Variants in CYP3A4 observed in about 807,000 individuals in gnomAD.
CYP3A4 encodes cytochrome P450 3A4.
CYP3A4 carries 41 observed loss-of-function variants against 54.9 expected under a neutral mutation model. That is an observed-to-expected ratio of 0.75 (90% CI 0.58 to 0.97). CYP3A4 has a LOEUF of 0.97. Ranked by LOEUF, CYP3A4 falls within the 50% of genes least tolerant of loss-of-function variation. The pLI, the probability that CYP3A4 is intolerant of heterozygous loss-of-function variation, is 0.00. For missense variants in CYP3A4, 510 were observed against 597.3 expected (o/e 0.85, Z 1.52); for synonymous variants, 179 against 205.2 (o/e 0.87, Z 1.09).
rs771039384 is a variant in CYP3A4, at chr7:99,769,862, C to T, written c.433-6G>A. The T allele has an allele frequency of 6.8e-6, 11 of 1,613,870 alleles. No homozygotes were observed. In the African/African-American group the frequency reaches 1.3e-4, roughly 20 times the overall value. ...TGGGCAATGATAGGGACCATCTAAG[C>T]ACAAAACACAACACCACCCATAGTT... On this transcript the variant is annotated splice_region_variant and splice_polypyrimidine_tract_variant and intron_variant, in intron 5 of 12. Transcript: ENST00000651514.
At chr7:99,767,631 T>A (rs1815509148) in intron 7 of CYP3A4, among the ~76,000 whole-genome samples, 1 of 152,114 alleles carries the variant, frequency 6.6e-6, no homozygotes, top group South Asian at 2.1e-4. Context: ...TAGTAGGTAG[T>A]CAAGATAGAA....
At chr7:99,761,518 C>A (rs28988594) in intron 11 of CYP3A4, among the ~76,000 whole-genome samples, 1,822 of 152,150 alleles carry the variant, frequency 0.012, 37 homozygotes, top group African/African-American at 0.042. Context: ...CTCCCTCTTT[C>A]TCCCCCACAC....
At chr7:99,775,170 C>T (rs1023705856) in intron 3 of CYP3A4, among the ~76,000 whole-genome samples, 4 of 152,000 alleles carry the variant, frequency 2.6e-5, no homozygotes, top group Non-Finnish European at 5.9e-5. Context: ...AACTACAAAC[C>T]GCTGCTCAAT....
chr7:99,781,526 C>G (rs745918177), intron 1 of CYP3A4, among the ~76,000 whole-genome samples: 1 of 152,124 alleles, frequency 6.6e-6, no homozygotes, highest in Non-Finnish European at 1.5e-5. Context: ...ACTCCCCGAA[C>G]TGGGGTTTCT....
chr7:99,784,026 A>T lies in CYP3A4; in HGVS notation c.56T>A (p.Leu19Gln), dbSNP rs773224444. 6.2e-7 allele frequency: 1 copy of T among 1,613,834 alleles called. No individual in the cohort carries two copies. Among genetic ancestry groups the T allele is most frequent in the Non-Finnish European group, 8.5e-7 (1 of 1,179,806 alleles). ...METWLLLAVS[L>Q]VLLYLYGTHS... ...AGTTACTCACAGATAGAGGAGCACCAGGCTGACAGCCAGGAGAAGCCAGGT... is the reference window on the plus strand; with the variant it reads ...AGTTACTCACAGATAGAGGAGCACCTGGCTGACAGCCAGGAGAAGCCAGGT... The change falls in exon 1 of 13, where the codon CTG becomes CAG. Residue 19 changes from leucine to glutamine, a missense_variant. Physicochemically the swap from Leu to Gln is moderately radical, Grantham distance 113. Coordinates refer to ENST00000651514, the MANE Select transcript of CYP3A4 (RefSeq NM_017460.6).
intron 9 of CYP3A4, among the ~76,000 whole-genome samples, chr7:99,765,464 GGATAGATGATAGATA>G (rs943988578): frequency 0.012 from 1,819 of 150,686 alleles, 31 homozygotes; most frequent in African/African-American, 0.04. Context: ...GATGATAGAT[GGATAGATGATAGATA>G]GATAGATGAT....
At chr7:99,773,187 T>C (rs1815678438) in intron 3 of CYP3A4, among the ~76,000 whole-genome samples, 1 of 152,056 alleles carries the variant, frequency 6.6e-6, no homozygotes, top group African/African-American at 2.4e-5. Flanking sequence ...AGCACCCAGA[T>C]TCATAAAGCA....
chr7:99,762,725 G>T (rs1815372365), intron 10 of CYP3A4, among the ~76,000 whole-genome samples: 1 of 152,152 alleles, frequency 6.6e-6, no homozygotes, highest in Admixed American at 6.5e-5. Context: ...GACAAAGAAG[G>T]TTCTGGTTGG....
At chr7:99,766,749 A>G (rs1420213259) in intron 8 of CYP3A4, 2 of 416,072 alleles carry the variant, frequency 4.8e-6, no homozygotes, top group Non-Finnish European at 8.6e-6. Context: ...TGTACTTGAA[A>G]TGAGTCTTTA....
At chr7:99,779,350 G>A (rs911419820) in intron 2 of CYP3A4, among the ~76,000 whole-genome samples, 10 of 152,114 alleles carry the variant, frequency 6.6e-5, no homozygotes, top group Non-Finnish European at 2.9e-5. Flanking sequence ...AGCCTTTGAA[G>A]GAAAAGAAAT....
At chr7:99,774,887 G>A (rs1815721352) in intron 3 of CYP3A4, among the ~76,000 whole-genome samples, 1 of 152,124 alleles carries the variant, frequency 6.6e-6, no homozygotes, top group Admixed American at 6.5e-5. Flanking sequence ...TAGGAAAAGA[G>A]GAAGTCAAAT....
intron 3 of CYP3A4, among the ~76,000 whole-genome samples, chr7:99,775,826 G>A (rs1169692101): frequency 6.6e-6 from 1 of 152,076 alleles, no homozygotes; most frequent in Non-Finnish European, 1.5e-5. Flanking sequence ...GGCAACAAAA[G>A]CCAAAATTGA....
In CYP3A4 at chr7:99,774,506, C is replaced by T. The variant is rs181465022; in HGVS notation, c.219-1817G>A. Among the ~76,000 whole-genome samples, 981 of 152,300 alleles carry T rather than the reference C, an allele frequency of 6.4e-3. 12 individuals are homozygous for T. Among genetic ancestry groups the T allele is most frequent in the African/African-American group, 0.022 (897 of 41,560 alleles). The stretch of plus-strand genomic sequence containing the variant: ...AGCTTATCCACCAGGATCAAGTCAG[C>T]GTCATCCCTGGGATGCAAGGCTGGG... On this transcript the variant is annotated intron_variant, in intron 3 of 12. Transcript: ENST00000651514.
At chr7:99,766,790 C>G (rs1815486645) in intron 8 of CYP3A4, 1 of 368,806 alleles carries the variant, frequency 2.7e-6, no homozygotes, top group Non-Finnish European at 4.9e-6. Flanking sequence ...AGCATAATAT[C>G]AGTAAAATAT....
chr7:99,759,084 T>C (rs1815252204), intron 12 of CYP3A4, among the ~76,000 whole-genome samples: 1 of 152,204 alleles, frequency 6.6e-6, no homozygotes, highest in Non-Finnish European at 1.5e-5. Context: ...ACCACTTTTA[T>C]TCAGGGCTGA....
At chr7:99,769,056 GC>G (rs1381440442) in intron 6 of CYP3A4, among the ~76,000 whole-genome samples, 1 of 152,070 alleles carries the variant, frequency 6.6e-6, no homozygotes, top group Non-Finnish European at 1.5e-5. Context: ...AGCTGAGGTT[GC>G]CCTGACAGCA....
intron 12 of CYP3A4, 63 bp from the exon 13 acceptor site, chr7:99,758,291 C>T: frequency 1.3e-6 from 2 of 1,559,716 alleles, no homozygotes; most frequent in Non-Finnish European, 1.8e-6. Context: ...AGTATAGCAT[C>T]AAAGTGAGTG....
intron 7 of CYP3A4, 79 bp downstream of exon 7, chr7:99,768,275 T>G: frequency 7.1e-7 from 1 of 1,411,238 alleles, no homozygotes; most frequent in Non-Finnish European, 9.9e-7. Flanking sequence ...GTGGATGAAT[T>G]ACATGGTGAT....
At chr7:99,779,660 A>G (rs1357040324) in intron 2 of CYP3A4, among the ~76,000 whole-genome samples, 1 of 151,688 alleles carries the variant, frequency 6.6e-6, no homozygotes, top group Non-Finnish European at 1.5e-5. Flanking sequence ...TTTTAATACT[A>G]ACTAAGTATG....
Sources: allele counts gnomAD v4.1 joint callset (sites outside exome capture counted in the v4.1 genomes callset), GRCh38; gene constraint gnomAD v4.1.1; transcripts MANE v1.5; gene names NCBI Gene and HGNC (gene_info 2026-07-23, HGNC 2026-07-21).